Variants in ZFPM2 observed in about 807,000 individuals in gnomAD.
The protein encoded by ZFPM2 is zinc finger protein, FOG family member 2, also known as zinc finger protein ZFPM2.
A neutral mutation model predicts 98.6 loss-of-function variants in ZFPM2; 20 were observed. The observed-to-expected ratio is 0.20, with a 90% confidence interval of 0.14 to 0.29. ZFPM2 has a LOEUF of 0.29. ZFPM2 is among the 10% of genes least tolerant of loss of function. ZFPM2 has a pLI of 1.00. For synonymous variants in ZFPM2, 518 were observed against 502.7 expected (o/e 1.03, Z -0.41); for missense variants, 1,310 against 1,388.6 (o/e 0.94, Z 0.90).
In ZFPM2 at chr8:105,796,579, T is replaced by C. The variant is rs1401560382; in HGVS notation, c.740-2145T>C. On this transcript the variant is annotated intron_variant, in intron 6 of 7. Coordinates refer to ENST00000407775, the MANE Select transcript of ZFPM2 (RefSeq NM_012082.4). ...ACTTACTATCCTTACTTCCCTTTCA[T>C]TCACTAGAATTTGATCATTAGTTTT... 2.0e-5 allele frequency among the ~76,000 whole-genome samples: 3 copies of C among 152,232 alleles called. No individual in the cohort carries two copies. The East Asian group carries it at 5.8e-4, about 29-fold the overall frequency.
intron 1 of ZFPM2, among the ~76,000 whole-genome samples, chr8:105,401,864 T>G (rs1811347614): frequency 6.6e-6 from 1 of 152,146 alleles, no homozygotes; most frequent in Admixed American, 6.6e-5. Flanking sequence ...AGCTTTGGAA[T>G]TCCTGTTGTT....
intron 6 of ZFPM2, among the ~76,000 whole-genome samples, chr8:105,790,329 T>G (rs1813565910): frequency 6.6e-6 from 1 of 152,040 alleles, no homozygotes; most frequent in Admixed American, 6.6e-5. Flanking sequence ...CCAGCACCAT[T>G]TATTAAATAG....
At chr8:105,708,933 G>A (rs537452458) in intron 5 of ZFPM2, among the ~76,000 whole-genome samples, 5 of 152,160 alleles carry the variant, frequency 3.3e-5, no homozygotes, top group East Asian at 3.9e-4. Context: ...TTACATTTTC[G>A]AACTCTTTTC....
chr8:105,483,679 C>G (rs181788168), intron 3 of ZFPM2, among the ~76,000 whole-genome samples: 38 of 151,208 alleles, frequency 2.5e-4, no homozygotes, highest in Admixed American at 9.9e-4. Flanking sequence ...TTTCTTGCTG[C>G]TGGAAAGATT....
intron 4 of ZFPM2, among the ~76,000 whole-genome samples, chr8:105,570,264 TG>T (rs890307655): frequency 3.1e-4 from 47 of 152,254 alleles, no homozygotes; most frequent in African/African-American, 9.6e-4. Context: ...TGCGTTGGTT[TG>T]GTTTCTAGAA....
At chr8:105,556,624 A>G (rs1047444622) in intron 3 of ZFPM2, among the ~76,000 whole-genome samples, 3 of 151,562 alleles carry the variant, frequency 2.0e-5, no homozygotes, top group Non-Finnish European at 4.4e-5. Flanking sequence ...TTCACTCCAA[A>G]TACCTGTGAT....
chr8:105,558,565 C>T (rs1815052903), intron 3 of ZFPM2, among the ~76,000 whole-genome samples: 1 of 152,176 alleles, frequency 6.6e-6, no homozygotes, highest in Non-Finnish European at 1.5e-5. Flanking sequence ...ACTTTACAAT[C>T]TGCCCCAAGT....
chr8:105,572,760 G>A (rs148547945), intron 4 of ZFPM2, among the ~76,000 whole-genome samples: 47 of 152,266 alleles, frequency 3.1e-4, no homozygotes, highest in Admixed American at 2.1e-3. Context: ...ATGAGCCACC[G>A]TGCCCAGCCT....
intron 3 of ZFPM2, among the ~76,000 whole-genome samples, chr8:105,489,466 A>ATATATATATATATTTTTTTT (rs1554610604): frequency 1.7e-5 from 2 of 119,810 alleles, no homozygotes; most frequent in African/African-American, 7.2e-5. Context: ...ATATATATAT[A>ATATATATATATATTTTTTTT]TTTTTTTTTT....
chr8:105,363,917 T>C (rs560579872), intron 1 of ZFPM2, among the ~76,000 whole-genome samples: 1 of 152,292 alleles, frequency 6.6e-6, no homozygotes, highest in Non-Finnish European at 1.5e-5. Flanking sequence ...AATAGATATT[T>C]CTCAGTATGT....
At chr8:105,472,657 C>T (rs943457371) in intron 3 of ZFPM2, among the ~76,000 whole-genome samples, 19 of 152,042 alleles carry the variant, frequency 1.2e-4, no homozygotes, top group African/African-American at 4.1e-4. Flanking sequence ...CGCCCACCAT[C>T]GCACCCGGCT....
intron 6 of ZFPM2, 35 bp from the exon 7 acceptor site, chr8:105,798,689 A>G: frequency 1.9e-6 from 3 of 1,573,348 alleles, no homozygotes; most frequent in Non-Finnish European, 2.6e-6. Context: ...TCAAATGGAC[A>G]GCAGCAAATG....
At chr8:105,607,758 G>C (rs184044222) in intron 4 of ZFPM2, among the ~76,000 whole-genome samples, 1 of 152,012 alleles carries the variant, frequency 6.6e-6, no homozygotes, top group Non-Finnish European at 1.5e-5. Context: ...AACCAGTTCC[G>C]CTACTTTAGA....
intron 5 of ZFPM2, among the ~76,000 whole-genome samples, chr8:105,726,009 A>G (rs966649559): frequency 2.8e-4 from 43 of 151,706 alleles, no homozygotes; most frequent in Admixed American, 1.9e-3. Context: ...GAAGCAGTCT[A>G]TAGGAAAACG....
intron 3 of ZFPM2, among the ~76,000 whole-genome samples, chr8:105,521,779 G>A (rs576868007): frequency 6.6e-6 from 1 of 152,200 alleles, no homozygotes; most frequent in African/African-American, 2.4e-5. Context: ...GTTTTGCCAC[G>A]TTGGTCAGGC....
intron 5 of ZFPM2, among the ~76,000 whole-genome samples, chr8:105,772,811 A>G (rs1255343493): frequency 1.3e-5 from 2 of 152,202 alleles, no homozygotes; most frequent in Non-Finnish European, 2.9e-5. Flanking sequence ...TTTTCACCAG[A>G]AAATTTAGCC....
chr8:105,700,126 T>C (rs1811108864), intron 5 of ZFPM2, among the ~76,000 whole-genome samples: 1 of 152,174 alleles, frequency 6.6e-6, no homozygotes, highest in Admixed American at 6.5e-5. Context: ...CTGAGACGCA[T>C]TAGGGTATCA....
chr8:105,791,187 T>G (rs1387612669), intron 6 of ZFPM2, among the ~76,000 whole-genome samples: 2 of 152,170 alleles, frequency 1.3e-5, no homozygotes, highest in African/African-American at 2.4e-5. Context: ...AAGGGAATGC[T>G]TCCAGTTTTT....
At chr8:105,631,339 TTAA>T (rs1586162474) in intron 4 of ZFPM2, among the ~76,000 whole-genome samples, 1 of 152,176 alleles carries the variant, frequency 6.6e-6, no homozygotes, top group Non-Finnish European at 1.5e-5. Flanking sequence ...AACAATAATA[TTAA>T]TGATGATTAT....
Sources: gnomAD v4.1 joint callset for allele counts (sites outside exome capture counted in the v4.1 genomes callset) on GRCh38, gnomAD v4.1.1 for gene constraint, MANE v1.5 for transcripts, NCBI Gene and HGNC (gene_info 2026-07-23, HGNC 2026-07-21) for gene names.